The following SKAP1 variants were observed in gnomAD, a reference collection of about 807,000 sequenced individuals.
SKAP1 encodes src kinase associated phosphoprotein 1, also known as src kinase-associated phosphoprotein 1.
In SKAP1, 44 loss-of-function variants were observed where a neutral mutation model predicts 58.5. The observed-to-expected ratio is 0.75, with a 90% CI of 0.59 to 0.97. The LOEUF is 0.97. Ranked by LOEUF, SKAP1 falls within the 50% of genes least tolerant of loss-of-function variation. The pLI, the probability that SKAP1 is intolerant of heterozygous loss-of-function variation, is 0.00. For missense variants in SKAP1, 390 were observed against 435.2 expected (o/e 0.90, Z 0.92); for synonymous variants, 127 against 149.7 (o/e 0.85, Z 1.11).
chr17:48,342,780 T>C (rs1021643235), intron 4 of SKAP1, among the ~76,000 whole-genome samples: 5 of 152,116 alleles, frequency 3.3e-5, no homozygotes, highest in Non-Finnish European at 7.4e-5. Flanking sequence ...AGTCAGGAGA[T>C]CGAGACCATC....
chr17:48,325,979 C>T (rs543091804), intron 4 of SKAP1, among the ~76,000 whole-genome samples: 2 of 152,302 alleles, frequency 1.3e-5, no homozygotes, highest in East Asian at 3.9e-4. Context: ...CATTAATTCA[C>T]ACAAACACAC....
At chr17:48,260,414 T>A (rs898737508) in intron 4 of SKAP1, among the ~76,000 whole-genome samples, 2 of 152,154 alleles carry the variant, frequency 1.3e-5, no homozygotes, top group Non-Finnish European at 2.9e-5. Context: ...ATATTTAAAG[T>A]GTGCTCAACT....
At chr17:48,344,500 G>A (rs1245327327) in intron 4 of SKAP1, among the ~76,000 whole-genome samples, 1 of 152,120 alleles carries the variant, frequency 6.6e-6, no homozygotes, top group Non-Finnish European at 1.5e-5. Flanking sequence ...TACCAAATAA[G>A]TGACCTAAGG....
chr17:48,385,686 CA>C (rs1280925090), intron 2 of SKAP1, among the ~76,000 whole-genome samples: 34 of 152,244 alleles, frequency 2.2e-4, no homozygotes, highest in African/African-American at 8.2e-4. Flanking sequence ...AGAATGCCAA[CA>C]GCACTTTGGG....
In SKAP1 at chr17:48,187,889, C is replaced by T; in HGVS notation, c.396G>A (p.Trp132Ter). The T allele has an allele frequency of 6.2e-7, 1 of 1,614,070 alleles. No individual in the cohort carries two copies. The highest frequency in any genetic ancestry group is 8.5e-7 in the Non-Finnish European group (1 of 1,179,924). The change falls in exon 6 of 13, where the codon TGG (tryptophan) becomes TGA (stop). Residue 132 changes from tryptophan (W) to a stop codon, truncating the protein, a stop_gained. Coordinates refer to ENST00000336915, the MANE Select transcript of SKAP1 (RefSeq NM_003726.4). LOFTEE classifies it high-confidence loss of function. ...AGAAGAGACCTCTGCTGACAACACA[C>T]CATCGCTTCTGCCACTCCGATCCAA... ...SFFGSEWQKR[W>*]CVVSRGLFYY...
chr17:48,414,461 G>A (rs189506267), intron 1 of SKAP1, among the ~76,000 whole-genome samples: 15 of 152,274 alleles, frequency 9.9e-5, no homozygotes, highest in Admixed American at 9.2e-4. Flanking sequence ...CAGGAGAAGG[G>A]TGGTGAAAGA....
At chr17:48,233,948 G>T (rs2065153415) in intron 4 of SKAP1, among the ~76,000 whole-genome samples, 3 of 152,162 alleles carry the variant, frequency 2.0e-5, no homozygotes, top group African/African-American at 7.2e-5. Context: ...AGAGTTCCAA[G>T]TTGTTTGAGT....
intron 3 of SKAP1, among the ~76,000 whole-genome samples, chr17:48,353,913 GA>G (rs955614021): frequency 7.6e-6 from 1 of 132,390 alleles, no homozygotes; most frequent in African/African-American, 2.8e-5. Flanking sequence ...AAAAAAAAAA[GA>G]AAAGAAAAGA....
chr17:48,170,711 T>TC (rs1310360510), intron 9 of SKAP1, 52 bp from the exon 10 acceptor site: 8 of 1,459,990 alleles, frequency 5.5e-6, no homozygotes, highest in Non-Finnish European at 5.7e-6. Context: ...AGTCTCATGT[T>TC]CTTTTTTTTT....
At chr17:48,165,965 T>C (rs888463082) in intron 10 of SKAP1, among the ~76,000 whole-genome samples, 1 of 152,258 alleles carries the variant, frequency 6.6e-6, no homozygotes, top group Admixed American at 6.5e-5. Context: ...CATTTCTCAA[T>C]GTCTCTCCGA....
At chr17:48,423,849 T>A (rs991860983) in intron 1 of SKAP1, among the ~76,000 whole-genome samples, 1 of 151,980 alleles carries the variant, frequency 6.6e-6, no homozygotes, top group African/African-American at 2.4e-5. Context: ...CTCAACCTTC[T>A]GGGCTCAAGT....
chr17:48,154,195 A>C (rs1056274303), intron 11 of SKAP1, among the ~76,000 whole-genome samples: 2 of 152,232 alleles, frequency 1.3e-5, no homozygotes, highest in Admixed American at 1.3e-4. Context: ...GTGCTGGCGC[A>C]GGCCTGCCGC....
chr17:48,423,163 A>T (rs1042979461), intron 1 of SKAP1, among the ~76,000 whole-genome samples: 1 of 152,178 alleles, frequency 6.6e-6, no homozygotes, highest in Non-Finnish European at 1.5e-5. Flanking sequence ...TCTAAGTAAG[A>T]CCTTGATACT....
At position 48,243,432 on chromosome 17, in the gene SKAP1, A is replaced by G. The variant is rs577474350; in HGVS notation, c.281-53932T>C. 2.6e-5 allele frequency among the ~76,000 whole-genome samples: 4 copies of G among 152,314 alleles called. No homozygotes were observed. In the South Asian group the frequency reaches 8.3e-4, roughly 32 times the overall value. On this transcript the variant is annotated intron_variant, in intron 4 of 12. Transcript: ENST00000336915. ...CTCTTTGTGGTTTTGAGCTTTTTGC[A>G]TGTGTAATTTGTCAAACAGTTCATC...
intron 1 of SKAP1, among the ~76,000 whole-genome samples, chr17:48,408,954 C>G (rs369720082): frequency 8.5e-5 from 13 of 152,308 alleles, no homozygotes; most frequent in Admixed American, 7.2e-4. Flanking sequence ...GATAGGTCAC[C>G]TCTCTATTTA....
At chr17:48,165,399 CTTT>C (rs2064125610) in intron 10 of SKAP1, among the ~76,000 whole-genome samples, 2 of 144,338 alleles carry the variant, frequency 1.4e-5, no homozygotes, top group African/African-American at 5.1e-5. Flanking sequence ...TTCTTTCTTT[CTTT>C]CTTTTTTTTT....
chr17:48,298,072 T>G (rs759799323), intron 4 of SKAP1, among the ~76,000 whole-genome samples: 6 of 152,200 alleles, frequency 3.9e-5, no homozygotes, highest in Non-Finnish European at 5.9e-5. Flanking sequence ...TTGACCTGCC[T>G]CTTGATTCCA....
intron 9 of SKAP1, among the ~76,000 whole-genome samples, chr17:48,178,278 T>C (rs1470087865): frequency 6.6e-6 from 1 of 151,678 alleles, no homozygotes; most frequent in Admixed American, 6.6e-5. Flanking sequence ...AAACGAAACA[T>C]GGTGCAGAAA....
At chr17:48,435,233 T>C (rs2067933693), upstream of SKAP1, among the ~76,000 whole-genome samples, 1 of 152,202 alleles carries the variant, frequency 6.6e-6, no homozygotes, top group Non-Finnish European at 1.5e-5. Context: ...CAATCCTTTT[T>C]TTTTTTTAAT....
Sources: gnomAD v4.1 joint callset for allele counts (sites outside exome capture counted in the v4.1 genomes callset) on GRCh38, gnomAD v4.1.1 for gene constraint, MANE v1.5 for transcripts, NCBI Gene and HGNC (gene_info 2026-07-23, HGNC 2026-07-21) for gene names.